The following SYMPK variants were observed in gnomAD, a reference collection of about 807,000 sequenced individuals.
SYMPK encodes symplekin scaffold protein.
Under a neutral mutation model 136.4 loss-of-function variants are expected in SYMPK, and 49 were observed. The ratio of observed to expected loss-of-function variants is 0.36; its 90% CI spans 0.29 to 0.46. SYMPK has a LOEUF of 0.46. Ranked by LOEUF, SYMPK falls within the 20% of genes least tolerant of loss-of-function variation. The pLI, the probability that SYMPK is intolerant of heterozygous loss-of-function variation, is 1.00. For synonymous variants in SYMPK, 766 were observed against 713.0 expected (o/e 1.07, Z -1.19); for missense variants, 1,365 against 1,690.0 (o/e 0.81, Z 3.37).
At chr19:45,858,960 G>A (rs80162101) in intron 1 of SYMPK, among the ~76,000 whole-genome samples, 21,738 of 151,766 alleles carry the variant, frequency 0.14, 1,632 homozygotes, top group South Asian at 0.18. Flanking sequence ...TTTGGTAGAA[G>A]CAGAGTTTCG....
chr19:45,827,732 T>A, intron 15 of SYMPK, 105 bp downstream of exon 15: 1 of 1,509,136 alleles, frequency 6.6e-7, no homozygotes, highest in South Asian at 1.1e-5. Context: ...GCCCGGTCCC[T>A]CACAAAACCC....
intron 10 of SYMPK, among the ~76,000 whole-genome samples, chr19:45,837,065 G>A (rs144958995): frequency 6.6e-6 from 1 of 152,238 alleles, no homozygotes; most frequent in East Asian, 1.9e-4. Flanking sequence ...TTCAAAGAAA[G>A]TAGCAGGAAA....
chr19:45,840,306 C>A (rs1284064629), intron 9 of SYMPK, among the ~76,000 whole-genome samples: 2 of 104,516 alleles, frequency 1.9e-5, no homozygotes, highest in Non-Finnish European at 3.6e-5. Flanking sequence ...CAGAGCGAGA[C>A]TGTCTCAAAA....
At chr19:45,850,540 G>A (rs1193074856) in intron 5 of SYMPK, among the ~76,000 whole-genome samples, 1 of 152,152 alleles carries the variant, frequency 6.6e-6, no homozygotes, top group Non-Finnish European at 1.5e-5. Flanking sequence ...TTCTGAGCCT[G>A]TTTCCCTTTC....
chr19:45,817,384 C>T (rs1970772952), intron 23 of SYMPK, among the ~76,000 whole-genome samples: 1 of 148,954 alleles, frequency 6.7e-6, no homozygotes, highest in African/African-American at 2.5e-5. Context: ...CAGGGGGCGA[C>T]ATTAGTCCTG....
rs58960244 is a variant in SYMPK at position 45,837,616 on chromosome 19, C to CAAAA, written c.1242+841_1242+844dup. Among the ~76,000 whole-genome samples the CAAAA allele has an allele frequency of 1.1e-3, 88 of 77,364 alleles. 1 individual carries two copies. The highest frequency in any genetic ancestry group is 6.9e-3 in the Middle Eastern group (1 of 144). 50.8% of individuals were successfully genotyped at this position (77,364 alleles called of 152,430 possible). On this transcript the variant is annotated intron_variant, in intron 10 of 26. Transcript: ENST00000245934. ...TGGGTAACAAAGCGAGACTCTGCCT[C>CAAAA]AAAAAAAAAAAAAAAAAAAAAAGAC...
rs779431776 is a variant in SYMPK, at chr19:45,838,596, G to C, written c.1107C>G (p.Asp369Glu). 2 of 1,613,934 alleles carry C rather than the reference G, an allele frequency of 1.2e-6. No individual in the cohort carries two copies. The highest frequency in any genetic ancestry group is 4.5e-5 in the East Asian group (2 of 44,878). ...CTGGCTCCAAGTCTTTGTCCTCATCGTCCTCCCCCAGGTTGGGCTCTGGGA... is the reference window on the plus strand; with the variant it reads ...CTGGCTCCAAGTCTTTGTCCTCATCCTCCTCCCCCAGGTTGGGCTCTGGGA... ...KMKLEPNLGEDDEDKDLEPGP... is the reference protein window; with the variant it reads ...KMKLEPNLGEEDEDKDLEPGP... The change falls in exon 10 of 27, where the codon GAC becomes GAG. Residue 369 changes from aspartate to glutamate, a missense_variant. Physicochemically the swap from Asp to Glu is conservative, Grantham distance 45. Coordinates refer to ENST00000245934, the MANE Select transcript of SYMPK (RefSeq NM_004819.3).
intron 1 of SYMPK, chr19:45,854,828 C>A (rs1971782068): frequency 2.8e-6 from 1 of 356,256 alleles, no homozygotes; most frequent in South Asian, 3.2e-5. Flanking sequence ...CTCCGTGTGT[C>A]CCCTCTCTCC....
intron 3 of SYMPK, among the ~76,000 whole-genome samples, chr19:45,853,729 GGAGCTCCCTCTGGGCTCCCA>G (rs1366172128): frequency 2.6e-5 from 4 of 152,186 alleles, no homozygotes; most frequent in Admixed American, 1.3e-4. Flanking sequence ...GGCTGGGTCA[GGAGCTCCCTCTGGGCTCCCA>G]GAGCCCCCCT....
Position 45,852,267 on chromosome 19 carries a change from G to A in SYMPK, c.299+45C>T, listed in dbSNP as rs931245453. On this transcript the variant is annotated intron_variant, in intron 5 of 26. Transcript: ENST00000245934. ...CAGGCCAGGCCACGAGCTGAAGGCT[G>A]CCACCAGTGAGAATGCTCCCGGGGC... 4 of 1,608,366 alleles carry A rather than the reference G, an allele frequency of 2.5e-6. No homozygotes were observed. The South Asian group carries it at 4.4e-5, about 18-fold the overall frequency.
intron 23 of SYMPK, among the ~76,000 whole-genome samples, chr19:45,817,417 C>CTTTTT (rs559430104): frequency 1.6e-4 from 17 of 108,478 alleles, no homozygotes; most frequent in Non-Finnish European, 2.8e-4. Context: ...TTTTTGTTCT[C>CTTTTT]TTTTTTTTTT....
intron 10 of SYMPK, among the ~76,000 whole-genome samples, chr19:45,836,562 C>T (rs954506461): frequency 1.3e-5 from 2 of 151,664 alleles, no homozygotes; most frequent in East Asian, 4.0e-4. Context: ...ACCCGGGAGG[C>T]GGAGCTTACA....
intron 1 of SYMPK, chr19:45,855,575 C>T (rs1413764710): frequency 1.3e-5 from 2 of 151,194 alleles, no homozygotes; most frequent in East Asian, 3.9e-4. Flanking sequence ...GGAACTGTAA[C>T]AAGAAAGGAA....
intron 1 of SYMPK, among the ~76,000 whole-genome samples, chr19:45,858,557 C>G (rs959444585): frequency 6.6e-6 from 1 of 152,084 alleles, no homozygotes; most frequent in African/African-American, 2.4e-5. Flanking sequence ...CTCTTATTGC[C>G]CAGGCTGGAG....
At chr19:45,824,005 CG>C in intron 18 of SYMPK, 130 bp from the exon 19 acceptor site, 3 of 446,950 alleles carry the variant, frequency 6.7e-6, no homozygotes, top group East Asian at 5.1e-5. Flanking sequence ...GTTTGGAGGG[CG>C]GGGGAAAGGT....
intron 10 of SYMPK, 26 bp downstream of exon 10, chr19:45,838,435 G>A (rs112985580): frequency 0.011 from 18,239 of 1,599,602 alleles, 146 homozygotes; most frequent in Non-Finnish European, 0.013. Context: ...CTGCCCAGGG[G>A]GAAAACGCTC....
intron 5 of SYMPK, 135 bp from the exon 6 acceptor site, chr19:45,849,011 C>A: frequency 4.6e-6 from 5 of 1,077,356 alleles, no homozygotes; most frequent in Non-Finnish European, 6.9e-6. Context: ...AAGCTGGGAA[C>A]AGTGCTTGGT....
At position 45,822,188 on chromosome 19, in the gene SYMPK, C is replaced by T. The variant is rs10424681; in HGVS notation, c.2791+568G>A. ...GGCTGGAGTGCACTGGCACGATCTC[C>T]GCTCACTGCAAGCTCCGCCTCCCGG... On this transcript the variant is annotated intron_variant, in intron 21 of 26. Transcript: ENST00000245934. Among the ~76,000 whole-genome samples the T allele has an allele frequency of 5.6e-3, 823 of 147,214 alleles. 8 individuals are homozygous for T. The highest frequency in any genetic ancestry group is 0.019 in the African/African-American group (772 of 39,804).
chr19:45,836,547 C>T (rs951932610), intron 10 of SYMPK, among the ~76,000 whole-genome samples: 10 of 151,620 alleles, frequency 6.6e-5, no homozygotes, highest in African/African-American at 2.4e-4. Context: ...AGGAGAATGG[C>T]GTGAACCCGG....
Sources: gnomAD v4.1 joint callset for allele counts (sites outside exome capture counted in the v4.1 genomes callset) on GRCh38, gnomAD v4.1.1 for gene constraint, MANE v1.5 for transcripts, NCBI Gene and HGNC (gene_info 2026-07-23, HGNC 2026-07-21) for gene names.